Variants in GPC5 observed in about 807,000 individuals in gnomAD.
The protein encoded by GPC5 is glypican-5.
GPC5 carries 47 observed loss-of-function variants against 53.9 expected under a neutral mutation model. The observed-to-expected ratio is 0.87, with a 90% CI of 0.69 to 1.11. The LOEUF (loss-of-function observed/expected upper bound fraction) is 1.11, where lower values mean the gene tolerates loss of function less well. Among genes scored for constraint, GPC5 ranks in the 50% most tolerant of loss-of-function variants. The pLI, the probability that GPC5 is intolerant of heterozygous loss-of-function variation, is 0.00. For missense variants in GPC5, 748 were observed against 713.1 expected (o/e 1.05, Z -0.56); for synonymous variants, 286 against 263.3 (o/e 1.09, Z -0.84).
chr13:91,914,097 CA>C (rs1423167998), intron 6 of GPC5, among the ~76,000 whole-genome samples: 1 of 151,990 alleles, frequency 6.6e-6, no homozygotes, highest in East Asian at 1.9e-4. Context: ...AAGTTGTCAG[CA>C]AAAAAGTCAC....
intron 7 of GPC5, among the ~76,000 whole-genome samples, chr13:92,176,423 A>G (rs565185702): frequency 4.0e-4 from 61 of 152,264 alleles, no homozygotes; most frequent in Non-Finnish European, 5.4e-4. Context: ...TTTTCTTTGC[A>G]TTTATGCTCC....
At chr13:92,501,533 A>T (rs1456597976) in intron 7 of GPC5, among the ~76,000 whole-genome samples, 1 of 152,136 alleles carries the variant, frequency 6.6e-6, no homozygotes, top group Admixed American at 6.6e-5. Flanking sequence ...AATATTTAAG[A>T]CATAAAGGCT....
intron 6 of GPC5, among the ~76,000 whole-genome samples, chr13:92,119,552 C>A (rs1330587137): frequency 6.8e-6 from 1 of 147,314 alleles, no homozygotes; most frequent in East Asian, 2.0e-4. Context: ...AGGCGCCCGC[C>A]ACCTCGCCTG....
At chr13:92,220,602 CTG>C (rs2042441621) in intron 7 of GPC5, among the ~76,000 whole-genome samples, 1 of 152,160 alleles carries the variant, frequency 6.6e-6, no homozygotes, top group Non-Finnish European at 1.5e-5. Context: ...AATTTAGAGA[CTG>C]TGATTTTTAA....
At chr13:92,244,476 C>T (rs1305457951) in intron 7 of GPC5, among the ~76,000 whole-genome samples, 1 of 152,044 alleles carries the variant, frequency 6.6e-6, no homozygotes, top group Admixed American at 6.6e-5. Flanking sequence ...TGTATTAGAA[C>T]CCACTGTGTT....
chr13:91,773,712 A>G (rs1000788458), intron 5 of GPC5, among the ~76,000 whole-genome samples: 1 of 152,218 alleles, frequency 6.6e-6, no homozygotes, highest in African/African-American at 2.4e-5. Flanking sequence ...TATTTGTAGA[A>G]CGTAAAAGCT....
intron 1 of GPC5, among the ~76,000 whole-genome samples, chr13:91,416,640 G>T (rs1290645935): frequency 6.6e-6 from 1 of 151,780 alleles, no homozygotes. Context: ...CCTGGTGTGT[G>T]ATGTTCCCTG....
intron 5 of GPC5, among the ~76,000 whole-genome samples, chr13:91,905,063 G>T (rs1393973462): frequency 3.3e-5 from 5 of 152,010 alleles, no homozygotes; most frequent in African/African-American, 1.2e-4. Flanking sequence ...CTTATTCATG[G>T]TCACCAAAAG....
In GPC5 at chr13:92,388,764, C is replaced by T. The variant is rs1416094335; in HGVS notation, c.1561+243775C>T. The stretch of plus-strand genomic sequence containing the variant: ...TATCTTGACTGAGCATTTTAATAAG[C>T]TTTATTGAGAAGGGGCAAGACTAGG... On this transcript the variant is annotated intron_variant, in intron 7 of 7. Coordinates refer to ENST00000377067, the MANE Select transcript of GPC5 (RefSeq NM_004466.6). 2.6e-5 allele frequency among the ~76,000 whole-genome samples: 4 copies of T among 152,024 alleles called. No homozygotes were observed. The South Asian group carries it at 8.3e-4, about 31-fold the overall frequency.
At chr13:91,451,156 AT>A (rs1881146586) in intron 2 of GPC5, among the ~76,000 whole-genome samples, 1 of 152,208 alleles carries the variant, frequency 6.6e-6, no homozygotes, top group African/African-American at 2.4e-5. Flanking sequence ...GAGAAATTTG[AT>A]AGAGAAATCA....
chr13:92,005,995 A>G (rs763800633), intron 6 of GPC5, among the ~76,000 whole-genome samples: 4 of 152,174 alleles, frequency 2.6e-5, no homozygotes, highest in Non-Finnish European at 4.4e-5. Context: ...TAAAAGACCC[A>G]CAAAAGTCTA....
intron 6 of GPC5, among the ~76,000 whole-genome samples, chr13:92,081,715 A>G (rs1383175668): frequency 6.6e-6 from 1 of 152,238 alleles, no homozygotes; most frequent in Non-Finnish European, 1.5e-5. Context: ...CATATACCAA[A>G]GCATAAAGTA....
At chr13:92,098,256 C>A (rs1485566660) in intron 6 of GPC5, among the ~76,000 whole-genome samples, 1 of 152,088 alleles carries the variant, frequency 6.6e-6, no homozygotes. Context: ...TGAGAGCATG[C>A]AGTATTTGGT....
At chr13:92,846,586 T>C (rs1878619546) in intron 7 of GPC5, among the ~76,000 whole-genome samples, 1 of 152,182 alleles carries the variant, frequency 6.6e-6, no homozygotes, top group Admixed American at 6.6e-5. Flanking sequence ...TCCCAGATCT[T>C]GCCAGATTGT....
At chr13:91,881,719 CTG>C (rs2039265669) in intron 5 of GPC5, among the ~76,000 whole-genome samples, 1 of 152,200 alleles carries the variant, frequency 6.6e-6, no homozygotes, top group Non-Finnish European at 1.5e-5. Flanking sequence ...TCATTAAACT[CTG>C]AGGATTCAAC....
rs188762011 is a variant in GPC5 at position 91,737,096 on chromosome 13, T to A, written c.1154+8431T>A. 5.5e-4 allele frequency among the ~76,000 whole-genome samples: 83 copies of A among 151,430 alleles called. 1 individual carries two copies. The highest frequency in any genetic ancestry group is 5.9e-4 in the Non-Finnish European group (40 of 68,016). On this transcript the variant is annotated intron_variant, in intron 4 of 7. Coordinates refer to ENST00000377067, the MANE Select transcript of GPC5 (RefSeq NM_004466.6). ...TCCAGCCTGGGCAACAGAGCGAGAC[T>A]CCGTCTCAGATTACTTTTTAAAAGG...
chr13:92,671,567 T>C (rs1886752894), intron 7 of GPC5, among the ~76,000 whole-genome samples: 1 of 152,178 alleles, frequency 6.6e-6, no homozygotes, highest in South Asian at 2.1e-4. Flanking sequence ...GGTTACCACA[T>C]GTTAGAAGGC....
At chr13:91,976,821 C>G (rs1257732278) in intron 6 of GPC5, among the ~76,000 whole-genome samples, 1 of 152,112 alleles carries the variant, frequency 6.6e-6, no homozygotes, top group African/African-American at 2.4e-5. Context: ...AGGCGAAACA[C>G]TTGAGGTCAG....
At chr13:91,908,561 T>G (rs1364768580) in intron 6 of GPC5, among the ~76,000 whole-genome samples, 1 of 152,192 alleles carries the variant, frequency 6.6e-6, no homozygotes, top group African/African-American at 2.4e-5. Flanking sequence ...TGGTTGTTTA[T>G]GAAATATTTC....
Sources: gnomAD v4.1 joint callset for allele counts (sites outside exome capture counted in the v4.1 genomes callset) on GRCh38, gnomAD v4.1.1 for gene constraint, MANE v1.5 for transcripts, NCBI Gene and HGNC (gene_info 2026-07-23, HGNC 2026-07-21) for gene names.